The following KLHL12 variants were observed in gnomAD, a reference collection of about 807,000 sequenced individuals.
KLHL12 encodes the protein kelch like family member 12.
KLHL12 carries 17 observed loss-of-function variants against 60.8 expected under a neutral mutation model. That is an observed-to-expected ratio of 0.28 (90% CI 0.19 to 0.42). The LOEUF (loss-of-function observed/expected upper bound fraction) is 0.42, where lower values mean the gene tolerates loss of function less well. KLHL12 is among the 10% of genes least tolerant of loss of function. The pLI is 1.00. For synonymous variants in KLHL12, 220 were observed against 250.9 expected (o/e 0.88, Z 1.16); for missense variants, 468 against 722.3 (o/e 0.65, Z 4.04).
chr1:202,894,597 A>G lies in KLHL12; in HGVS notation c.1288T>C (p.Cys430Arg). ...GLVVASGVIY[C>R]LGGYDGLNIL... The stretch of plus-strand genomic sequence containing the variant: ...TGCATCCCAGACTCAATACCTAGAC[A>G]GTAGATCACTCCACTGGCCACTACG... The change falls in exon 9 of 12, where the codon TGT (cysteine) becomes CGT (arginine). Residue 430 changes from cysteine (C) to arginine (R), a missense_variant. Transcript: ENST00000367261. 6.2e-7 allele frequency: 1 copy of G among 1,614,136 alleles called. No individual in the cohort carries two copies. The highest frequency in any genetic ancestry group is 8.5e-7 in the Non-Finnish European group (1 of 1,180,018).
upstream of KLHL12, chr1:202,928,387 C>A: frequency 1.5e-6 from 1 of 649,246 alleles, no homozygotes; most frequent in Non-Finnish European, 2.5e-6. Context: ...TTGGCTGAGC[C>A]TGAGTTCCTC....
chr1:202,898,086 T>C (rs879349096), intron 6 of KLHL12, among the ~76,000 whole-genome samples: 4 of 152,106 alleles, frequency 2.6e-5, no homozygotes, highest in African/African-American at 7.2e-5. Flanking sequence ...CCTTGGCTTT[T>C]GGAGACAGGG....
chr1:202,894,568 T>C, intron 9 of KLHL12, 23 bp downstream of exon 9: 2 of 1,613,526 alleles, frequency 1.2e-6, no homozygotes, highest in Non-Finnish European at 1.7e-6. Context: ...TTCCCTCCCA[T>C]TCCTGCATCC....
intron 7 of KLHL12, among the ~76,000 whole-genome samples, 199 bp downstream of exon 7, chr1:202,896,655 C>T (rs1454131601): frequency 6.6e-6 from 1 of 152,214 alleles, no homozygotes; most frequent in African/African-American, 2.4e-5. Flanking sequence ...CACAGGGCCA[C>T]TGACATTTCT....
intron 4 of KLHL12, among the ~76,000 whole-genome samples, chr1:202,915,577 C>A (rs1344887567): frequency 6.6e-6 from 1 of 152,136 alleles, no homozygotes; most frequent in Non-Finnish European, 1.5e-5. Context: ...ATTCCAAAGC[C>A]TGTATAGTTC....
chr1:202,901,613 T>C (rs1660010000), intron 6 of KLHL12, among the ~76,000 whole-genome samples: 1 of 152,130 alleles, frequency 6.6e-6, no homozygotes, highest in South Asian at 2.1e-4. Context: ...TCAGGGGTTT[T>C]ATGGCTCTAA....
intron 6 of KLHL12, among the ~76,000 whole-genome samples, chr1:202,901,388 C>A (rs993623146): frequency 6.6e-6 from 1 of 151,944 alleles, no homozygotes; most frequent in Non-Finnish European, 1.5e-5. Flanking sequence ...ACCTCCCAGG[C>A]TCAAGCAATC....
chr1:202,926,244 T>G (rs1653548630), intron 1 of KLHL12, among the ~76,000 whole-genome samples: 1 of 152,134 alleles, frequency 6.6e-6, no homozygotes, highest in Non-Finnish European at 1.5e-5. Context: ...CTACTCTACA[T>G]CTGTGAATGT....
rs1193066579 is a variant in KLHL12, at chr1:202,909,620, T to C, written c.718-496A>G. The stretch of plus-strand genomic sequence containing the variant: ...ACAGCTCTGTACTGGACATCTTTCA[T>C]TTGCCTCCCAACTCACTCTGTACCT... On this transcript the variant is annotated intron_variant, in intron 5 of 11. Coordinates refer to ENST00000367261, the MANE Select transcript of KLHL12 (RefSeq NM_021633.4). The surrounding 1 kb of genome is among the most constrained non-coding windows in gnomAD (Gnocchi z 4.1). Among the ~76,000 whole-genome samples, 1 of 152,184 alleles carries C rather than the reference T, an allele frequency of 6.6e-6. No individual in the cohort carries two copies. The highest frequency in any genetic ancestry group is 1.5e-5 in the Non-Finnish European group (1 of 68,034).
At position 202,908,997 on chromosome 1, in the gene KLHL12, G is replaced by C; in HGVS notation, c.832+13C>G. 6.4e-7 allele frequency: 1 copy of C among 1,556,072 alleles called. No homozygotes were observed. The highest frequency in any genetic ancestry group is 1.1e-5 in the South Asian group (1 of 89,878). ...GAAAAGCATCCCCTCATTCTGCCGA[G>C]ATACCAGCTTACCTAGGCGAGCCCT... On this transcript the variant is annotated intron_variant, in intron 6 of 11. Coordinates refer to ENST00000367261, the MANE Select transcript of KLHL12 (RefSeq NM_021633.4).
At position 202,915,503 on chromosome 1, in the gene KLHL12, G is replaced by A. The variant is rs1571536863; in HGVS notation, c.567+2668C>T. ...AAAAACTACACATAAGAGTTCTCAA[G>A]CTGTTTTTCATTTAAGCTTCTAAAT... On this transcript the variant is annotated intron_variant, in intron 4 of 11. Transcript: ENST00000367261. 2.0e-5 allele frequency among the ~76,000 whole-genome samples: 3 copies of A among 152,192 alleles called. No individual in the cohort carries two copies. The East Asian group carries it at 5.8e-4, about 29-fold the overall frequency.
At chr1:202,899,643 T>G (rs940702807) in intron 6 of KLHL12, among the ~76,000 whole-genome samples, 1 of 139,606 alleles carries the variant, frequency 7.2e-6, no homozygotes, top group Non-Finnish European at 1.6e-5. Flanking sequence ...CTGTCTAACA[T>G]GGCAAAACCC....
chr1:202,911,651 T>C (rs935783167), intron 4 of KLHL12, among the ~76,000 whole-genome samples: 2 of 152,178 alleles, frequency 1.3e-5, no homozygotes, highest in Non-Finnish European at 2.9e-5. Flanking sequence ...ATAATTGTTA[T>C]CTAATGATCT....
At chr1:202,922,667 T>C (rs78958889) in intron 2 of KLHL12, among the ~76,000 whole-genome samples, 6,094 of 151,300 alleles carry the variant, frequency 0.04, 355 homozygotes, top group East Asian at 0.22. Context: ...TTTGTATTTT[T>C]AGTAGAGACG....
upstream of KLHL12, among the ~76,000 whole-genome samples, chr1:202,928,154 A>G (rs2102470286): frequency 6.6e-6 from 1 of 151,200 alleles, no homozygotes; most frequent in African/African-American, 2.4e-5. Flanking sequence ...GGGCGCCAGT[A>G]GTCCCAGCTA....
intron 6 of KLHL12, among the ~76,000 whole-genome samples, chr1:202,907,743 C>T (rs1233295683): frequency 6.8e-6 from 1 of 147,356 alleles, no homozygotes; most frequent in Admixed American, 6.8e-5. Flanking sequence ...TCTGTCTCTA[C>T]AAAAAAATAT....
chr1:202,899,533 G>T (rs1438953606), intron 6 of KLHL12, among the ~76,000 whole-genome samples: 2 of 151,936 alleles, frequency 1.3e-5, no homozygotes, highest in African/African-American at 4.8e-5. Flanking sequence ...CAGCTCCTTC[G>T]AAAATCAAAG....
upstream of KLHL12, chr1:202,927,410 T>A (rs943613861): frequency 8.3e-6 from 3 of 363,550 alleles, no homozygotes; most frequent in Non-Finnish European, 1.1e-5. Context: ...GGGCAGGGAA[T>A]GGTGGCTCAC....
chr1:202,928,522 CAG>C, upstream of KLHL12: 1 of 1,304,488 alleles, frequency 7.7e-7, no homozygotes, highest in Non-Finnish European at 1.0e-6. Context: ...AGAAAACCCA[CAG>C]AGGCCTCAAA....
Sources: allele counts gnomAD v4.1 joint callset (sites outside exome capture counted in the v4.1 genomes callset), GRCh38; gene constraint gnomAD v4.1.1; non-coding constraint Gnocchi (gnomAD v3.1); transcripts MANE v1.5; gene names NCBI Gene and HGNC (gene_info 2026-07-23, HGNC 2026-07-21).